Variants in EPHA6 observed in about 807,000 individuals in gnomAD.
EPHA6 encodes the protein EPH receptor A6, also known as ephrin type-A receptor 6.
Under a neutral mutation model 112.0 loss-of-function variants are expected in EPHA6, and 50 were observed. The ratio of observed to expected loss-of-function variants is 0.45; its 90% CI spans 0.36 to 0.56. EPHA6 has a LOEUF of 0.56. Among genes scored for constraint, EPHA6 ranks in the 20% least tolerant of loss-of-function variants. The pLI is 0.00. For missense variants in EPHA6, 1,280 were observed against 1,417.4 expected (o/e 0.90, Z 1.56); for synonymous variants, 529 against 490.7 (o/e 1.08, Z -1.03).
At chr3:97,396,290 C>T (rs1019079292) in intron 5 of EPHA6, among the ~76,000 whole-genome samples, 14 of 149,240 alleles carry the variant, frequency 9.4e-5, no homozygotes, top group Admixed American at 2.0e-4. Context: ...CACGTGCACA[C>T]GCACACACCC....
chr3:97,593,901 C>T (rs1385914427), intron 12 of EPHA6, among the ~76,000 whole-genome samples: 2 of 152,128 alleles, frequency 1.3e-5, no homozygotes, highest in East Asian at 3.8e-4. Context: ...TGTAAATTTT[C>T]ACTTTATTGG....
chr3:97,007,258 A>G (rs1043980752), intron 3 of EPHA6, among the ~76,000 whole-genome samples: 2 of 152,130 alleles, frequency 1.3e-5, no homozygotes, highest in African/African-American at 2.4e-5. Flanking sequence ...GTAGGTGTCT[A>G]AGAACTTGTC....
chr3:97,343,340 G>T (rs1232902818), intron 5 of EPHA6, among the ~76,000 whole-genome samples: 1 of 152,116 alleles, frequency 6.6e-6, no homozygotes, highest in Non-Finnish European at 1.5e-5. Context: ...GATGAAGTTG[G>T]GTGTTTAATT....
At chr3:96,821,273 T>C (rs2033231402) in intron 1 of EPHA6, among the ~76,000 whole-genome samples, 1 of 151,984 alleles carries the variant, frequency 6.6e-6, no homozygotes, top group Admixed American at 6.6e-5. Context: ...TTCTTAACAC[T>C]CTTACACACT....
At chr3:97,098,428 C>A (rs2047308781) in intron 3 of EPHA6, among the ~76,000 whole-genome samples, 1 of 151,706 alleles carries the variant, frequency 6.6e-6, no homozygotes, top group African/African-American at 2.4e-5. Context: ...TTTATGTAAG[C>A]TTTCTTATGC....
intron 14 of EPHA6, among the ~76,000 whole-genome samples, chr3:97,718,458 GT>G (rs199622237): frequency 1.3e-3 from 190 of 151,760 alleles, no homozygotes; most frequent in African/African-American, 4.5e-3. Flanking sequence ...CAATGATTTG[GT>G]TTTTTTTAAG....
chr3:97,751,660 T>C lies in EPHA6; in HGVS notation c.*2959T>C, dbSNP rs1234238752. On this transcript the variant is annotated 3_prime_UTR_variant, in exon 18 of 18. Coordinates refer to ENST00000389672, the MANE Select transcript of EPHA6 (RefSeq NM_001080448.3). ...CATGAAACATTTTGAGACTTACTAG[T>C]GTAAATTTTAGGTAATTAAATCTGT... Among the ~76,000 whole-genome samples, 1 of 152,134 alleles carries C rather than the reference T, an allele frequency of 6.6e-6. No homozygotes were observed. Among genetic ancestry groups the C allele is most frequent in the East Asian group, 1.9e-4 (1 of 5,196 alleles).
intron 14 of EPHA6, among the ~76,000 whole-genome samples, chr3:97,667,617 C>T (rs1333933033): frequency 6.6e-6 from 1 of 152,072 alleles, no homozygotes; most frequent in Admixed American, 6.6e-5. Context: ...AATTATCATA[C>T]AATACATTTG....
intron 3 of EPHA6, among the ~76,000 whole-genome samples, chr3:97,098,895 A>G (rs532516233): frequency 6.6e-6 from 1 of 152,056 alleles, no homozygotes; most frequent in South Asian, 2.1e-4. Context: ...ATCAGAGTAC[A>G]GTTCTATTAT....
At chr3:97,308,586 A>G (rs574835715) in intron 5 of EPHA6, among the ~76,000 whole-genome samples, 2 of 151,802 alleles carry the variant, frequency 1.3e-5, no homozygotes, top group South Asian at 4.1e-4. Context: ...CAAAAATCCA[A>G]CTGAAGTTTA....
intron 4 of EPHA6, among the ~76,000 whole-genome samples, chr3:97,239,244 T>A (rs2078771213): frequency 6.6e-6 from 1 of 151,938 alleles, no homozygotes. Flanking sequence ...ATAGCATTAT[T>A]TAAGGGAGTC....
chr3:96,826,146 A>G (rs944125387), intron 1 of EPHA6, among the ~76,000 whole-genome samples: 2 of 151,980 alleles, frequency 1.3e-5, no homozygotes, highest in African/African-American at 4.8e-5. Flanking sequence ...GCTGTCATAA[A>G]AGTTATTTTA....
intron 3 of EPHA6, among the ~76,000 whole-genome samples, chr3:97,102,978 T>A (rs1205986873): frequency 6.6e-6 from 1 of 152,086 alleles, no homozygotes; most frequent in Non-Finnish European, 1.5e-5. Context: ...TTTAATAGGA[T>A]CTTTTTGTCT....
intron 3 of EPHA6, among the ~76,000 whole-genome samples, chr3:97,074,790 T>C (rs1198937025): frequency 6.6e-6 from 1 of 151,980 alleles, no homozygotes; most frequent in Non-Finnish European, 1.5e-5. Flanking sequence ...ATTATTCTTT[T>C]CACAACTCTC....
chr3:97,689,774 C>T (rs766754890), intron 14 of EPHA6, among the ~76,000 whole-genome samples: 1 of 152,078 alleles, frequency 6.6e-6, no homozygotes, highest in African/African-American at 2.4e-5. Context: ...CCCTAAAAAT[C>T]TCATACCCAT....
intron 14 of EPHA6, among the ~76,000 whole-genome samples, chr3:97,700,622 C>G (rs1400518210): frequency 6.6e-6 from 1 of 152,132 alleles, no homozygotes; most frequent in Non-Finnish European, 1.5e-5. Flanking sequence ...GTCAAGGCTG[C>G]TAACAAAGAA....
chr3:96,908,454 A>G (rs533789705), intron 2 of EPHA6, among the ~76,000 whole-genome samples: 1 of 152,048 alleles, frequency 6.6e-6, no homozygotes, highest in Non-Finnish European at 1.5e-5. Context: ...TAGCTTCTTT[A>G]TAAGCTTGAA....
chr3:97,712,347 A>T (rs188297085), intron 14 of EPHA6, among the ~76,000 whole-genome samples: 3 of 152,332 alleles, frequency 2.0e-5, no homozygotes, highest in African/African-American at 7.2e-5. Flanking sequence ...TGCTATCCAG[A>T]TAAGAGTGGG....
chr3:97,343,789 C>G (rs2083418250), intron 5 of EPHA6, among the ~76,000 whole-genome samples: 1 of 152,140 alleles, frequency 6.6e-6, no homozygotes, highest in East Asian at 1.9e-4. Flanking sequence ...ACCTGGGTGT[C>G]AAGAGGGCAG....
Sources: gnomAD v4.1 joint callset for allele counts (sites outside exome capture counted in the v4.1 genomes callset) on GRCh38, gnomAD v4.1.1 for gene constraint, MANE v1.5 for transcripts, NCBI Gene and HGNC (gene_info 2026-07-23, HGNC 2026-07-21) for gene names.